CACNA2D3: variants seen among roughly 807,000 people sequenced by gnomAD.
CACNA2D3 encodes the protein calcium voltage-gated channel auxiliary subunit alpha2delta 3.
CACNA2D3 carries 60 observed loss-of-function variants against 160.6 expected under a neutral mutation model. The ratio of observed to expected loss-of-function variants is 0.37; its 90% confidence interval spans 0.30 to 0.46. The LOEUF is 0.46. Ranked by LOEUF, CACNA2D3 falls within the 20% of genes least tolerant of loss-of-function variation. The probability of loss-of-function intolerance (pLI) is 1.00; values close to 1 mark genes in which losing one functional copy is unlikely to be tolerated. For synonymous variants in CACNA2D3, 558 were observed against 492.9 expected (o/e 1.13, Z -1.75); for missense variants, 1,205 against 1,365.0 (o/e 0.88, Z 1.85).
intron 26 of CACNA2D3, among the ~76,000 whole-genome samples, chr3:54,898,909 C>G (rs887930933): frequency 6.6e-6 from 1 of 152,146 alleles, no homozygotes; most frequent in Non-Finnish European, 1.5e-5. Flanking sequence ...GTGGAGCTCT[C>G]TCTGATTTTC....
intron 4 of CACNA2D3, among the ~76,000 whole-genome samples, chr3:54,442,034 C>T (rs1307490005): frequency 6.6e-6 from 1 of 152,164 alleles, no homozygotes; most frequent in Non-Finnish European, 1.5e-5. Flanking sequence ...GTCTTGAACT[C>T]CTGGGTTCAA....
At chr3:54,204,209 G>A (rs1701228837) in intron 2 of CACNA2D3, among the ~76,000 whole-genome samples, 1 of 151,956 alleles carries the variant, frequency 6.6e-6, no homozygotes, top group Non-Finnish European at 1.5e-5. Context: ...TTTATAGATG[G>A]CAGATTGTGG....
intron 2 of CACNA2D3, among the ~76,000 whole-genome samples, chr3:54,153,293 A>G (rs1168777223): frequency 6.6e-6 from 1 of 152,246 alleles, no homozygotes; most frequent in African/African-American, 2.4e-5. Context: ...AGTCAATGTC[A>G]GCAGCCTGCC....
chr3:54,987,416 A>G (rs1447809029), intron 30 of CACNA2D3, among the ~76,000 whole-genome samples: 2 of 152,152 alleles, frequency 1.3e-5, no homozygotes, highest in African/African-American at 2.4e-5. Flanking sequence ...GTGTGTGCAC[A>G]TGTGTGTGCA....
intron 4 of CACNA2D3, among the ~76,000 whole-genome samples, chr3:54,454,502 G>GGT (rs1700364145): frequency 6.6e-6 from 1 of 151,518 alleles, no homozygotes; most frequent in Admixed American, 6.6e-5. Context: ...ATATTTAGGG[G>GGT]GTACCATGTG....
At chr3:54,726,980 C>G (rs983525148) in intron 11 of CACNA2D3, among the ~76,000 whole-genome samples, 1 of 152,146 alleles carries the variant, frequency 6.6e-6, no homozygotes, top group African/African-American at 2.4e-5. Flanking sequence ...AACAGGCAAC[C>G]TACAGAATGG....
intron 11 of CACNA2D3, among the ~76,000 whole-genome samples, chr3:54,724,465 A>G (rs552088069): frequency 6.6e-6 from 1 of 152,210 alleles, no homozygotes; most frequent in Non-Finnish European, 1.5e-5. Context: ...CAGAATATAC[A>G]TTCTTTTCAG....
chr3:55,028,671 T>C (rs930659646), intron 35 of CACNA2D3, among the ~76,000 whole-genome samples: 3 of 152,190 alleles, frequency 2.0e-5, no homozygotes, highest in African/African-American at 7.2e-5. Flanking sequence ...TAATCAAAAA[T>C]AAAACTTTAA....
chr3:54,726,969 G>A (rs1351492003), intron 11 of CACNA2D3, among the ~76,000 whole-genome samples: 2 of 152,168 alleles, frequency 1.3e-5, no homozygotes, highest in African/African-American at 4.8e-5. Flanking sequence ...TCGTCAGAGT[G>A]AACAGGCAAC....
intron 2 of CACNA2D3, among the ~76,000 whole-genome samples, chr3:54,286,627 T>A (rs1052161630): frequency 1.3e-5 from 2 of 152,076 alleles, no homozygotes; most frequent in African/African-American, 4.8e-5. Context: ...CACATAATTG[T>A]CAGATTCACC....
At chr3:55,058,907 C>T (rs9876675) in intron 35 of CACNA2D3, among the ~76,000 whole-genome samples, 3,790 of 152,146 alleles carry the variant, frequency 0.025, 164 homozygotes, top group African/African-American at 0.085. Context: ...AGGATTTAAA[C>T]GGTGTGATAC....
chr3:54,240,216 T>TTTG (rs10586077), intron 2 of CACNA2D3, among the ~76,000 whole-genome samples: 21 of 151,744 alleles, frequency 1.4e-4, no homozygotes, highest in African/African-American at 4.4e-4. Context: ...TAGGTGTATT[T>TTTG]TTGTTGTTGT....
At chr3:54,434,951 G>A (rs1213592322) in intron 4 of CACNA2D3, among the ~76,000 whole-genome samples, 2 of 152,158 alleles carry the variant, frequency 1.3e-5, no homozygotes, top group Non-Finnish European at 2.9e-5. Context: ...GGGCTAGGTT[G>A]GAAATCCCCA....
In CACNA2D3 at chr3:54,350,995, T is replaced by TTTTTTTTTTTTTTTGTTTTTTTG. The variant is rs1698553141; in HGVS notation, c.321+30448_321+30449insTTTGTTTTTTTGTTTTTTTTTTT. ...TTTTTTTTTTTTGTTTGTTTTTTTT[T>TTTTTTTTTTTTTTTGTTTTTTTG]TTTTTTTTTTTGAGACAGAGTCTCA... is the stretch of plus-strand genomic sequence containing the variant. On this transcript the variant is annotated intron_variant, in intron 3 of 37. Transcript: ENST00000474759. 1.7e-5 allele frequency among the ~76,000 whole-genome samples: 2 copies of TTTTTTTTTTTTTTTGTTTTTTTG among 119,276 alleles called. 1 individual carries two copies. The highest frequency in any genetic ancestry group is 1.9e-4 in the Admixed American group (2 of 10,670). The allele number at this position is 119,276 out of a possible 152,430, so 78.2% of individuals were successfully genotyped here.
intron 11 of CACNA2D3, among the ~76,000 whole-genome samples, chr3:54,710,829 A>G (rs2106963327): frequency 6.6e-6 from 1 of 152,332 alleles, no homozygotes; most frequent in East Asian, 1.9e-4. Context: ...AACCATTACT[A>G]TAGATTTGCT....
chr3:54,804,163 C>A (rs949616826), intron 13 of CACNA2D3, among the ~76,000 whole-genome samples: 52 of 151,282 alleles, frequency 3.4e-4, no homozygotes, highest in Admixed American at 7.2e-4. Flanking sequence ...AGCAAAATAA[C>A]CAGCTAACAT....
At chr3:54,945,953 T>C (rs1047415059) in intron 27 of CACNA2D3, among the ~76,000 whole-genome samples, 3 of 152,198 alleles carry the variant, frequency 2.0e-5, no homozygotes, top group Non-Finnish European at 2.9e-5. Context: ...CTATCCCGGC[T>C]CCTGCTCTTC....
At chr3:54,908,081 G>C (rs1179241840) in intron 27 of CACNA2D3, among the ~76,000 whole-genome samples, 2 of 152,170 alleles carry the variant, frequency 1.3e-5, no homozygotes, top group African/African-American at 4.8e-5. Context: ...CCTAAAAGTA[G>C]AATTGTTGGG....
intron 27 of CACNA2D3, among the ~76,000 whole-genome samples, chr3:54,955,409 A>G (rs1701862205): frequency 6.6e-6 from 1 of 152,074 alleles, no homozygotes. Flanking sequence ...TGGTTATTTG[A>G]TGAGATTTCT....
Sources: allele counts gnomAD v4.1 joint callset (sites outside exome capture counted in the v4.1 genomes callset), GRCh38; gene constraint gnomAD v4.1.1; transcripts MANE v1.5; gene names NCBI Gene and HGNC (gene_info 2026-07-23, HGNC 2026-07-21).